The following SYNJ2BP variants were observed in gnomAD, a reference collection of about 807,000 sequenced individuals.
SYNJ2BP encodes the protein synaptojanin-2-binding protein.
A neutral mutation model predicts 16.9 loss-of-function variants in SYNJ2BP; 10 were observed. The observed-to-expected ratio is 0.59, with a 90% CI of 0.36 to 1.00. The LOEUF is 1.00. Among genes scored for constraint, SYNJ2BP ranks in the 50% least tolerant of loss-of-function variants. SYNJ2BP has a pLI of 0.01. For synonymous variants in SYNJ2BP, 54 were observed against 68.4 expected (o/e 0.79, Z 1.04); for missense variants, 162 against 186.7 (o/e 0.87, Z 0.77).
chr14:70,378,355 C>G (rs1451818784), intron 2 of SYNJ2BP, among the ~76,000 whole-genome samples: 2 of 151,982 alleles, frequency 1.3e-5, no homozygotes, highest in South Asian at 4.1e-4. Flanking sequence ...TATCCAAAAC[C>G]TCTTTATTAC....
At chr14:70,404,986 G>T (rs1309621317) in intron 1 of SYNJ2BP, among the ~76,000 whole-genome samples, 3 of 152,030 alleles carry the variant, frequency 2.0e-5, no homozygotes, top group South Asian at 4.2e-4. Flanking sequence ...AATTATCTGG[G>T]TGTGGTGGTG....
chr14:70,382,616 C>T (rs971266768), intron 2 of SYNJ2BP, among the ~76,000 whole-genome samples: 13 of 152,164 alleles, frequency 8.5e-5, no homozygotes, highest in African/African-American at 2.7e-4. Context: ...AGAAGCTACT[C>T]GGCTGAGTAA....
intron 3 of SYNJ2BP, among the ~76,000 whole-genome samples, chr14:70,375,244 C>G (rs1419473854): frequency 6.7e-6 from 1 of 150,204 alleles, no homozygotes; most frequent in Non-Finnish European, 1.5e-5. Flanking sequence ...CTCTCTTGCC[C>G]AGGCTGGAGT....
intron 1 of SYNJ2BP, among the ~76,000 whole-genome samples, chr14:70,415,544 C>T (rs1888586006): frequency 6.9e-6 from 1 of 144,684 alleles, no homozygotes; most frequent in African/African-American, 2.6e-5. Context: ...GAGTGAGACC[C>T]TGTCTCAAAA....
intron 1 of SYNJ2BP, among the ~76,000 whole-genome samples, chr14:70,401,135 T>G (rs769980732): frequency 6.6e-6 from 1 of 152,114 alleles, no homozygotes; most frequent in Non-Finnish European, 1.5e-5. Flanking sequence ...ACAGGGATCC[T>G]CTGAAATGTA....
intron 1 of SYNJ2BP, among the ~76,000 whole-genome samples, chr14:70,405,259 G>A (rs1388513579): frequency 1.3e-5 from 2 of 151,708 alleles, no homozygotes; most frequent in East Asian, 1.9e-4. Flanking sequence ...GAATGTCTAC[G>A]GAAAAAAATA....
intron 1 of SYNJ2BP, among the ~76,000 whole-genome samples, chr14:70,397,415 CA>C (rs1888124347): frequency 6.6e-6 from 1 of 152,154 alleles, no homozygotes; most frequent in Admixed American, 6.5e-5. Flanking sequence ...TCTACTTCTC[CA>C]GATCAATTTT....
chr14:70,389,537 A>G (rs1354162770), intron 1 of SYNJ2BP, among the ~76,000 whole-genome samples: 1 of 152,198 alleles, frequency 6.6e-6, no homozygotes, highest in Non-Finnish European at 1.5e-5. Flanking sequence ...ATATAGGTTG[A>G]GTATCCCTTA....
rs756902690 is a variant in SYNJ2BP, at chr14:70,416,925, C to G, written c.39G>C (p.Glu13Asp). The G allele has an allele frequency of 2.5e-6, 4 of 1,614,164 alleles. No homozygotes were observed. Among genetic ancestry groups the G allele is most frequent in the Non-Finnish European group, 2.5e-6 (3 of 1,180,038 alleles). ...CTGAGGGCCCTCTGGTAAGATTGAT[C>G]TCTTCCTCAGTGACCAAATAATCCA... ...GRVDYLVTEE[E>D]INLTRGPSGL... The change falls in exon 1 of 4, where the codon GAG (glutamate) becomes GAC (aspartate). Residue 13 changes from glutamate to aspartate, a missense_variant. By Grantham distance (45) the Glu-to-Asp change is conservative. Transcript: ENST00000256366.
intron 1 of SYNJ2BP, among the ~76,000 whole-genome samples, chr14:70,409,062 C>A (rs1478905453): frequency 6.6e-6 from 1 of 152,084 alleles, no homozygotes. Context: ...CCAAACACAG[C>A]TAATGTTTTG....
rs763161550 is a variant in SYNJ2BP at position 70,388,587 on chromosome 14, G to A, written c.84C>T (p.Val28=). 1.3e-5 allele frequency: 20 copies of A among 1,543,604 alleles called. No homozygotes were observed. The highest frequency in any genetic ancestry group is 6.3e-5 in the South Asian group (5 of 79,786). Reference sequence around the variant, plus strand: ...AGACATACTGCTGATCTGTCCCACCGACGATGTTGAAGCCCAGCCCTGAGA... The same window carrying A: ...AGACATACTGCTGATCTGTCCCACCAACGATGTTGAAGCCCAGCCCTGAGA... The part of the protein sequence containing the change: ...RGPSGLGFNI[V]GGTDQQYVSN... Residue 28 remains valine, a synonymous_variant, in exon 2 of 4, where the codon GTC becomes GTT. Transcript: ENST00000256366.
intron 1 of SYNJ2BP, among the ~76,000 whole-genome samples, chr14:70,402,039 T>C (rs1888250066): frequency 6.6e-6 from 1 of 152,318 alleles, no homozygotes; most frequent in Middle Eastern, 3.4e-3. Context: ...TTCTAACGAC[T>C]CAGACCCCTC....
intron 2 of SYNJ2BP, among the ~76,000 whole-genome samples, chr14:70,380,370 G>A (rs1279638882): frequency 6.6e-6 from 1 of 152,128 alleles, no homozygotes; most frequent in Non-Finnish European, 1.5e-5. Context: ...TTTAAAAAGT[G>A]TTAAGAGTTG....
At position 70,372,758 on chromosome 14, in the gene SYNJ2BP, A is replaced by G. The variant is rs1339128204; in HGVS notation, c.*233T>C. ...TCTATCAAAAGTCCTAGTAAAATATATAACTCCTCATTTGTTCTAAGCCAA... is the reference window on the plus strand; with the variant it reads ...TCTATCAAAAGTCCTAGTAAAATATGTAACTCCTCATTTGTTCTAAGCCAA... On this transcript the variant is annotated 3_prime_UTR_variant, in exon 4 of 4. Transcript: ENST00000256366. 3 of 510,064 alleles carry G rather than the reference A, an allele frequency of 5.9e-6. No homozygotes were observed. Among genetic ancestry groups the G allele is most frequent in the East Asian group, 7.1e-5 (2 of 28,034 alleles). 31.6% of individuals were successfully genotyped at this position (510,064 alleles called of 1,614,324 possible).
In SYNJ2BP at chr14:70,368,253, A is replaced by C. The variant is rs988050364; in HGVS notation, c.*4738T>G. 3 of 152,194 alleles carry C rather than the reference A, an allele frequency of 2.0e-5. No homozygotes were observed. The highest frequency in any genetic ancestry group is 7.2e-5 in the African/African-American group (3 of 41,450). 9.4% of individuals were successfully genotyped at this position (152,194 alleles called of 1,614,324 possible). On this transcript the variant is annotated 3_prime_UTR_variant, in exon 4 of 4. Coordinates refer to ENST00000256366, the MANE Select transcript of SYNJ2BP (RefSeq NM_018373.3). ...TCAGATTGTTCTGTGGAATCTCCCAATTCCAATAATGATGCTTGCAATATC... is the reference window on the plus strand; with the variant it reads ...TCAGATTGTTCTGTGGAATCTCCCACTTCCAATAATGATGCTTGCAATATC...
intron 1 of SYNJ2BP, among the ~76,000 whole-genome samples, chr14:70,408,009 A>G (rs116711695): frequency 0.022 from 3,400 of 152,260 alleles, 110 homozygotes; most frequent in African/African-American, 0.077. Flanking sequence ...CTATTATTGG[A>G]ATTGAAAATT....
chr14:70,384,925 C>A (rs1005367220), intron 2 of SYNJ2BP, among the ~76,000 whole-genome samples: 1 of 152,104 alleles, frequency 6.6e-6, no homozygotes, highest in South Asian at 2.1e-4. Context: ...CAGATTGATA[C>A]AGCCCCTGAT....
rs574694323 is a variant in SYNJ2BP, at chr14:70,392,340, G to A, written c.65-3734C>T. 2.0e-5 allele frequency among the ~76,000 whole-genome samples: 3 copies of A among 152,298 alleles called. No homozygotes were observed. In the South Asian group the frequency reaches 6.2e-4, roughly 32 times the overall value. On this transcript the variant is annotated intron_variant, in intron 1 of 3. Transcript: ENST00000256366. Reference sequence around the variant, plus strand: ...TTGTAGAAGCAAATCAAAGTCAGAAGACTTGGTTCTAAGTTTATAACTTAC... The same window carrying A: ...TTGTAGAAGCAAATCAAAGTCAGAAAACTTGGTTCTAAGTTTATAACTTAC...
chr14:70,395,431 C>T (rs1888068177), intron 1 of SYNJ2BP, among the ~76,000 whole-genome samples: 1 of 151,898 alleles, frequency 6.6e-6, no homozygotes, highest in Non-Finnish European at 1.5e-5. Flanking sequence ...AAGATCAATC[C>T]GACTAATTTT....
Sources: gnomAD v4.1 joint callset for allele counts (sites outside exome capture counted in the v4.1 genomes callset) on GRCh38, gnomAD v4.1.1 for gene constraint, MANE v1.5 for transcripts, NCBI Gene and HGNC (gene_info 2026-07-23, HGNC 2026-07-21) for gene names.